The following ROR1 variants were observed in gnomAD, a reference collection of about 807,000 sequenced individuals.
The protein encoded by ROR1 is ROR family WNT receptor 1.
Under a neutral mutation model 78.8 loss-of-function variants are expected in ROR1, and 19 were observed. That is an observed-to-expected ratio of 0.24 (90% confidence interval 0.17 to 0.35). The LOEUF (loss-of-function observed/expected upper bound fraction) is 0.35. Ranked by LOEUF, ROR1 falls within the 10% of genes least tolerant of loss-of-function variation. The pLI, the probability that ROR1 is intolerant of heterozygous loss-of-function variation, is 1.00. For missense variants in ROR1, 917 were observed against 1,177.8 expected (o/e 0.78, Z 3.24); for synonymous variants, 386 against 433.6 (o/e 0.89, Z 1.36).
intron 1 of ROR1, among the ~76,000 whole-genome samples, chr1:63,776,171 T>A (rs1448436326): frequency 2.0e-5 from 3 of 152,250 alleles, no homozygotes; most frequent in Non-Finnish European, 4.4e-5. Context: ...CTTTACTTTG[T>A]ACTTCACCTT....
chr1:63,973,214 G>A (rs931001008), intron 1 of ROR1, among the ~76,000 whole-genome samples: 1 of 152,292 alleles, frequency 6.6e-6, no homozygotes, highest in African/African-American at 2.4e-5. Flanking sequence ...AGAGATCCTC[G>A]ACACTGGATC....
At chr1:63,894,206 GGCAGGATGGA>G (rs1236405342) in intron 1 of ROR1, among the ~76,000 whole-genome samples, 1 of 152,028 alleles carries the variant, frequency 6.6e-6, no homozygotes, top group Non-Finnish European at 1.5e-5. Context: ...TCACATTCTG[GGCAGGATGGA>G]GCAGGATGGC....
chr1:63,857,121 A>G (rs1004281003), intron 1 of ROR1, among the ~76,000 whole-genome samples: 3 of 150,910 alleles, frequency 2.0e-5, no homozygotes, highest in African/African-American at 7.3e-5. Context: ...ATAGGATTCA[A>G]TTTTCAAAGT....
At chr1:64,117,270 G>C (rs1462764540) in intron 4 of ROR1, among the ~76,000 whole-genome samples, 1 of 152,014 alleles carries the variant, frequency 6.6e-6, no homozygotes, top group Non-Finnish European at 1.5e-5. Context: ...TGATCTCTTC[G>C]ACCTCATTTT....
chr1:64,016,909 T>A (rs974685418), intron 2 of ROR1, among the ~76,000 whole-genome samples: 2 of 151,096 alleles, frequency 1.3e-5, no homozygotes, highest in Non-Finnish European at 2.9e-5. Flanking sequence ...GAAAAACACA[T>A]AGGGATTATT....
chr1:63,822,507 A>C (rs987851960), intron 1 of ROR1, among the ~76,000 whole-genome samples: 1 of 152,220 alleles, frequency 6.6e-6, no homozygotes, highest in Admixed American at 6.5e-5. Context: ...AAGATGTAAA[A>C]AGAAAAATAA....
intron 1 of ROR1, among the ~76,000 whole-genome samples, chr1:63,794,819 C>T (rs1644749771): frequency 6.6e-6 from 1 of 152,134 alleles, no homozygotes; most frequent in Admixed American, 6.5e-5. Flanking sequence ...GACTGTATGC[C>T]CGGGACTGTG....
chr1:63,823,641 G>A (rs1644936529), intron 1 of ROR1, among the ~76,000 whole-genome samples: 1 of 151,580 alleles, frequency 6.6e-6, no homozygotes, highest in African/African-American at 2.4e-5. Flanking sequence ...GTGGAGATAA[G>A]GGGGTCTTGC....
chr1:64,027,695 C>CT (rs796409595), intron 2 of ROR1, among the ~76,000 whole-genome samples: 387 of 143,864 alleles, frequency 2.7e-3, no homozygotes, highest in South Asian at 9.7e-3. Flanking sequence ...CGTTCTTTTT[C>CT]TTTTTTTTTT....
intron 1 of ROR1, among the ~76,000 whole-genome samples, chr1:63,832,840 C>A (rs1438931275): frequency 6.6e-6 from 1 of 152,216 alleles, no homozygotes; most frequent in Non-Finnish European, 1.5e-5. Flanking sequence ...TGGCAATATA[C>A]AAACACACAC....
At chr1:63,800,209 A>G (rs752471962) in intron 1 of ROR1, among the ~76,000 whole-genome samples, 20 of 152,146 alleles carry the variant, frequency 1.3e-4, no homozygotes, top group Admixed American at 6.5e-5. Context: ...TGAAAATGTG[A>G]ATGAAGAGTG....
At chr1:63,848,767 TTCC>T (rs900420830) in intron 1 of ROR1, among the ~76,000 whole-genome samples, 18 of 152,186 alleles carry the variant, frequency 1.2e-4, no homozygotes, top group African/African-American at 4.3e-4. Flanking sequence ...AGCCTGTATA[TTCC>T]CCTATAATGG....
At chr1:63,784,533 A>G (rs1644672043) in intron 1 of ROR1, among the ~76,000 whole-genome samples, 1 of 152,216 alleles carries the variant, frequency 6.6e-6, no homozygotes, top group Non-Finnish European at 1.5e-5. Flanking sequence ...AACCTGGGAA[A>G]ATTTACTTGC....
intron 1 of ROR1, among the ~76,000 whole-genome samples, chr1:63,980,059 G>T (rs1308771681): frequency 2.0e-5 from 3 of 152,028 alleles, no homozygotes; most frequent in Non-Finnish European, 4.4e-5. Flanking sequence ...TGATGATAAT[G>T]TGCTATGAAC....
At position 64,051,457 on chromosome 1, in the gene ROR1, AAAAATAAAAT is replaced by A. The variant is rs71056018; in HGVS notation, c.482+776_482+785del. ...AGAGTGAGACTCCGTCTCAAAAATAAAAAATAAAATAAAATAAAATAAAATAAAATAAAAT... is the reference window on the plus strand; with the variant it reads ...AGAGTGAGACTCCGTCTCAAAAATAAAAAATAAAATAAAATAAAATAAAAT... On this transcript the variant is annotated intron_variant, in intron 4 of 8. Coordinates refer to ENST00000371079, the MANE Select transcript of ROR1 (RefSeq NM_005012.4). 7.4e-3 allele frequency among the ~76,000 whole-genome samples: 566 copies of A among 76,710 alleles called. 11 individuals are homozygous for A. Among genetic ancestry groups the A allele is most frequent in the African/African-American group, 0.015 (486 of 32,636 alleles). 50.3% of individuals were successfully genotyped at this position (76,710 alleles called of 152,430 possible).
intron 4 of ROR1, among the ~76,000 whole-genome samples, chr1:64,079,873 A>G (rs1373914150): frequency 1.3e-5 from 2 of 151,922 alleles, no homozygotes; most frequent in African/African-American, 4.8e-5. Context: ...TTTTGTTAAG[A>G]TTAGCAGAAG....
intron 4 of ROR1, among the ~76,000 whole-genome samples, chr1:64,117,457 G>A (rs554984810): frequency 1.3e-5 from 2 of 152,178 alleles, no homozygotes; most frequent in East Asian, 1.9e-4. Flanking sequence ...AGTGAGCGGG[G>A]GAAGAATGAT....
intron 1 of ROR1, among the ~76,000 whole-genome samples, chr1:63,893,599 G>A (rs748110710): frequency 2.0e-5 from 3 of 152,128 alleles, no homozygotes; most frequent in Non-Finnish European, 2.9e-5. Context: ...TACTGACTGG[G>A]CGTGGACATA....
chr1:63,984,688 A>G (rs1273360384), intron 1 of ROR1, among the ~76,000 whole-genome samples: 2 of 152,170 alleles, frequency 1.3e-5, no homozygotes, highest in Non-Finnish European at 1.5e-5. Flanking sequence ...CTGGGAATGC[A>G]GTCTCCTGGA....
Sources: allele counts gnomAD v4.1 joint callset (sites outside exome capture counted in the v4.1 genomes callset), GRCh38; gene constraint gnomAD v4.1.1; transcripts MANE v1.5; gene names NCBI Gene and HGNC (gene_info 2026-07-23, HGNC 2026-07-21).